Variants in NAT8L observed in about 807,000 individuals in gnomAD.
NAT8L encodes the protein aspartate N-acetyltransferase.
Under a neutral mutation model 21.2 loss-of-function variants are expected in NAT8L, and 6 were observed. The observed-to-expected ratio is 0.28, with a 90% CI of 0.16 to 0.56. NAT8L has a LOEUF of 0.56. Among genes scored for constraint, NAT8L ranks in the 20% least tolerant of loss-of-function variants. The probability of loss-of-function intolerance (pLI) is 0.93; values close to 1 mark genes in which losing one functional copy is unlikely to be tolerated. For synonymous variants in NAT8L, 239 were observed against 204.9 expected, an observed-to-expected ratio of 1.17 and a Z score of -1.42; for missense variants, 331 against 433.3, an observed-to-expected ratio of 0.76 and a Z score of 2.10.
In NAT8L at chr4:2,060,980, C is replaced by T. The variant is rs116048302; in HGVS notation, c.377-18C>T. On this transcript the variant is annotated intron_variant, in intron 1 of 2. Coordinates refer to ENST00000423729, the MANE Select transcript of NAT8L (RefSeq NM_178557.4). The surrounding 1 kb of genome is among the most constrained non-coding windows in gnomAD (Gnocchi z 4.7). Reference sequence around the variant, plus strand: ...GGGGACCCCCGCCGCGCCGCTGACCCGCGCCCTCTGCCCCCAGCGCTGTGC... The same window carrying T: ...GGGGACCCCCGCCGCGCCGCTGACCTGCGCCCTCTGCCCCCAGCGCTGTGC... 489 of 1,457,334 alleles carry T rather than the reference C, an allele frequency of 3.4e-4. 2 individuals are homozygous for T. In the African/African-American group the frequency reaches 6.2e-3, roughly 18 times the overall value. 90.3% of individuals were successfully genotyped at this position (1,457,334 alleles called of 1,614,324 possible).
chr4:2,059,651 G>A lies in NAT8L; in HGVS notation c.140G>A (p.Gly47Glu), dbSNP rs1244556608. The part of the protein sequence containing the change: ...AMWPPLPAAP[G>E]PAAAPPAPPP... ...TGGCCCCCGCTGCCCGCCGCGCCCG[G>A]GCCGGCCGCCGCGCCCCCCGCGCCC... Residue 47 changes from glycine (G) to glutamate (E), a missense_variant, in exon 1 of 3, where the codon GGG (glycine) becomes GAG (glutamate). By Grantham distance (98) the Gly-to-Glu change is moderately conservative. Around this residue, in one of 2 missense-constraint regions of NAT8L, gnomAD observed 199 missense variants for 196.1 expected, o/e 1.01. Coordinates refer to ENST00000423729, the MANE Select transcript of NAT8L (RefSeq NM_178557.4). The surrounding 1 kb of genome is among the most constrained non-coding windows in gnomAD (Gnocchi z 4.8). The A allele has an allele frequency of 2.3e-5, 22 of 970,618 alleles. No homozygotes were observed. The highest frequency in any genetic ancestry group is 2.7e-5 in the Non-Finnish European group (22 of 819,266). The allele number at this position is 970,618 out of a possible 1,614,324, so 60.1% of individuals were successfully genotyped here. A position where few individuals can be genotyped will look rare whatever the true frequency, so the allele number is the denominator to read the frequency against.
chr4:2,060,993 C>G lies in NAT8L; in HGVS notation c.377-5C>G, dbSNP rs980265259. ...GCGCCGCTGACCCGCGCCCTCTGCC[C>G]CCAGCGCTGTGCTTCGCCGTGAGCC... On this transcript the variant is annotated splice_region_variant and splice_polypyrimidine_tract_variant and intron_variant, in intron 1 of 2. Coordinates refer to ENST00000423729, the MANE Select transcript of NAT8L (RefSeq NM_178557.4). The surrounding 1 kb of genome is among the most constrained non-coding windows in gnomAD (Gnocchi z 4.7). 6.6e-7 allele frequency: 1 copy of G among 1,511,200 alleles called. No homozygotes were observed. Among genetic ancestry groups the G allele is most frequent in the Non-Finnish European group, 9.0e-7 (1 of 1,112,884 alleles). 93.6% of individuals were successfully genotyped at this position (1,511,200 alleles called of 1,614,324 possible).
In NAT8L at chr4:2,064,113, C is replaced by T; in HGVS notation, c.895C>T (p.Leu299=). The T allele has an allele frequency of 6.3e-7, 1 of 1,592,696 alleles. No homozygotes were observed. Among genetic ancestry groups the T allele is most frequent in the Middle Eastern group, 1.9e-4 (1 of 5,170 alleles). Residue 299 remains leucine (L), a synonymous_variant, in exon 3 of 3, where the codon CTG becomes TTG. Transcript: ENST00000423729. ...QVRYHRYRLQ[L]REE is the part of the protein sequence containing the mutation. ...CCGCTACCACCGCTACCGCCTGCAG[C>T]TGCGCGAGGAGTGACCGCCGCCGCT...
In NAT8L at chr4:2,060,009, TC is replaced by T. The variant is rs1729821660; in HGVS notation, c.376+123del. The T allele has an allele frequency of 4.1e-6, 2 of 487,090 alleles. No individual in the cohort carries two copies. Among genetic ancestry groups the T allele is most frequent in the South Asian group, 1.9e-4 (2 of 10,548 alleles). 30.2% of individuals were successfully genotyped at this position (487,090 alleles called of 1,614,324 possible). On this transcript the variant is annotated intron_variant, in intron 1 of 2. Coordinates refer to ENST00000423729, the MANE Select transcript of NAT8L (RefSeq NM_178557.4). This position sits in a 1 kb window ranked among gnomAD's most constrained non-coding sequence, Gnocchi z 4.7. ...GACCAGCCTGGGAAGCCCCCCGCTT[TC>T]TGCCGCGCCGGGCCCCGCGCAGGGC...
At position 2,064,136 on chromosome 4, in the gene NAT8L, G is replaced by T; in HGVS notation, c.*9G>T. On this transcript the variant is annotated 3_prime_UTR_variant, in exon 3 of 3. Transcript: ENST00000423729. ...AGCTGCGCGAGGAGTGACCGCCGCC[G>T]CTCGCCCGCCCGCCCCCCCGGCCGC... 1.3e-6 allele frequency: 2 copies of T among 1,535,172 alleles called. No individual in the cohort carries two copies. Among genetic ancestry groups the T allele is most frequent in the East Asian group, 2.5e-5 (1 of 40,638 alleles).
At position 2,059,942 on chromosome 4, in the gene NAT8L, C is replaced by T; in HGVS notation, c.376+55C>T. ...GTCCCTCGGGCCGGCGCGGAGCTCC[C>T]CCGCCCCGGCGTCCACGCGGACCCC... On this transcript the variant is annotated intron_variant, in intron 1 of 2. Transcript: ENST00000423729. The surrounding 1 kb of genome is among the most constrained non-coding windows in gnomAD (Gnocchi z 4.8). 1 of 1,038,738 alleles carries T rather than the reference C, an allele frequency of 9.6e-7. No homozygotes were observed. Among genetic ancestry groups the T allele is most frequent in the Non-Finnish European group, 1.2e-6 (1 of 838,336 alleles). The allele number at this position is 1,038,738 out of a possible 1,614,324, so 64.3% of individuals were successfully genotyped here.
chr4:2,061,787 C>T (rs974411916), intron 2 of NAT8L, among the ~76,000 whole-genome samples: 3 of 152,172 alleles, frequency 2.0e-5, no homozygotes, highest in Non-Finnish European at 2.9e-5. Flanking sequence ...CCGGATGCCG[C>T]AGGGGTGAAG....
rs1438214010 is a variant in NAT8L at position 2,063,092 on chromosome 4, C to T, written c.542-668C>T. ...GCTGTGGATGGGGTGATGGCCTGGC[C>T]ACTTGGCCTACTGCCAGGAGAGGCC... On this transcript the variant is annotated intron_variant, in intron 2 of 2. Transcript: ENST00000423729. Among the ~76,000 whole-genome samples the T allele has an allele frequency of 3.9e-5, 6 of 152,270 alleles. No homozygotes were observed. In the South Asian group the frequency reaches 1.0e-3, roughly 26 times the overall value.
chr4:2,063,767 C>T lies in NAT8L; in HGVS notation c.549C>T (p.Cys183=). 2 of 1,611,514 alleles carry T rather than the reference C, an allele frequency of 1.2e-6. No homozygotes were observed. Among genetic ancestry groups the T allele is most frequent in the Non-Finnish European group, 1.7e-6 (2 of 1,179,884 alleles). Residue 183 remains cysteine (C), a synonymous_variant, in exon 3 of 3, where the codon TGC becomes TGT. Coordinates refer to ENST00000423729, the MANE Select transcript of NAT8L (RefSeq NM_178557.4). ...CCGCCCTATCCCCTGCAGGCTCCTG[C>T]TTCTGGGTGGCCGTGCTGGATGGCA... The part of the protein sequence containing the change: ...EQYYMKPPGS[C]FWVAVLDGNV...
In NAT8L at chr4:2,059,955, C is replaced by T. The variant is rs566060371; in HGVS notation, c.376+68C>T. 1.5e-4 allele frequency: 143 copies of T among 937,376 alleles called. 1 individual carries two copies. The South Asian group carries it at 6.6e-3, about 43-fold the overall frequency. 58.1% of individuals were successfully genotyped at this position (937,376 alleles called of 1,614,324 possible). On this transcript the variant is annotated intron_variant, in intron 1 of 2. Coordinates refer to ENST00000423729, the MANE Select transcript of NAT8L (RefSeq NM_178557.4). The surrounding 1 kb of genome is among the most constrained non-coding windows in gnomAD (Gnocchi z 4.8). ...GCGCGGAGCTCCCCCGCCCCGGCGT[C>T]CACGCGGACCCCGCGCCCGGCTCCC...
Position 2,068,450 on chromosome 4 carries a change from AG to A in NAT8L, c.*4328del, listed in dbSNP as rs1012851781. 3 of 152,272 alleles carry A rather than the reference AG, an allele frequency of 2.0e-5. No homozygotes were observed. Among genetic ancestry groups the A allele is most frequent in the African/African-American group, 4.8e-5 (2 of 41,520 alleles). 9.4% of individuals were successfully genotyped at this position (152,272 alleles called of 1,614,324 possible). A position where few individuals can be genotyped will look rare whatever the true frequency, so the allele number is the denominator to read the frequency against. ...GCGCATGTTCTTGTGTACTTCTCTG[AG>A]GGGGCACATATGTATGAGTGTATGA... On this transcript the variant is annotated 3_prime_UTR_variant, in exon 3 of 3. Transcript: ENST00000423729.
rs1730030580 is a variant in NAT8L at position 2,067,598 on chromosome 4, C to G, written c.*3471C>G. On this transcript the variant is annotated 3_prime_UTR_variant, in exon 3 of 3. Coordinates refer to ENST00000423729, the MANE Select transcript of NAT8L (RefSeq NM_178557.4). Reference sequence around the variant, plus strand: ...CTGCCCTGGGGCACCCAGGGCTGTGCTGGTGGCCTGAGGCTGGGAACTTGG... The same window carrying G: ...CTGCCCTGGGGCACCCAGGGCTGTGGTGGTGGCCTGAGGCTGGGAACTTGG... 6.6e-6 allele frequency: 1 copy of G among 152,388 alleles called. No individual in the cohort carries two copies. The highest frequency in any genetic ancestry group is 1.5e-5 in the Non-Finnish European group (1 of 68,166). The allele number at this position is 152,388 out of a possible 1,614,324, so 9.4% of individuals were successfully genotyped here. A position where few individuals can be genotyped will look rare whatever the true frequency, so the allele number is the denominator to read the frequency against.
Position 2,060,920 on chromosome 4 carries a change from T to C in NAT8L, c.377-78T>C. ...GGAGCGCGGCCGGGCGCGGCGTCCC[T>C]AGCGGGCTTCGCCGGGGTGGCGTCT... On this transcript the variant is annotated intron_variant, in intron 1 of 2. Coordinates refer to ENST00000423729, the MANE Select transcript of NAT8L (RefSeq NM_178557.4). This position sits in a 1 kb window ranked among gnomAD's most constrained non-coding sequence, Gnocchi z 4.7. 1.3e-6 allele frequency: 1 copy of C among 741,870 alleles called. No individual in the cohort carries two copies. Among genetic ancestry groups the C allele is most frequent in the Non-Finnish European group, 2.1e-6 (1 of 485,502 alleles). 46.0% of individuals were successfully genotyped at this position (741,870 alleles called of 1,614,324 possible). A position where few individuals can be genotyped will look rare whatever the true frequency, so the allele number is the denominator to read the frequency against.
chr4:2,068,469 GTGTA>G lies in NAT8L; in HGVS notation c.*4345_*4348del, dbSNP rs1268324078. 2 of 152,382 alleles carry G rather than the reference GTGTA, an allele frequency of 1.3e-5. No homozygotes were observed. The highest frequency in any genetic ancestry group is 6.5e-5 in the Admixed American group (1 of 15,294). 9.4% of individuals were successfully genotyped at this position (152,382 alleles called of 1,614,324 possible). On this transcript the variant is annotated 3_prime_UTR_variant, in exon 3 of 3. Transcript: ENST00000423729. ...TCTCTGAGGGGGCACATATGTATGA[GTGTA>G]TGAGTGCATACATATGCATATGGTG...
chr4:2,059,447 C>G lies in NAT8L; in HGVS notation c.-65C>G. On this transcript the variant is annotated 5_prime_UTR_variant, in exon 1 of 3. Transcript: ENST00000423729. The surrounding 1 kb of genome is among the most constrained non-coding windows in gnomAD (Gnocchi z 4.8). ...GGTCCGAGGGCGCCGCGCCCTTGCC[C>G]TGGGCCCGGCCGTGCCCGCCGCCGC... 1.2e-6 allele frequency: 1 copy of G among 811,042 alleles called. No individual in the cohort carries two copies. The highest frequency in any genetic ancestry group is 1.5e-6 in the Non-Finnish European group (1 of 674,426). 50.2% of individuals were successfully genotyped at this position (811,042 alleles called of 1,614,324 possible).
Position 2,066,582 on chromosome 4 carries a change from TC to T in NAT8L, c.*2457del, listed in dbSNP as rs1236196853. 2 of 152,224 alleles carry T rather than the reference TC, an allele frequency of 1.3e-5. No individual in the cohort carries two copies. 9.4% of individuals were successfully genotyped at this position (152,224 alleles called of 1,614,324 possible). ...GGCCTGACCTGGCCCACCTCATCCCTCCAGCCTGGGATCTCACTGCTCTGCA... is the reference window on the plus strand; with the variant it reads ...GGCCTGACCTGGCCCACCTCATCCCTCAGCCTGGGATCTCACTGCTCTGCA... On this transcript the variant is annotated 3_prime_UTR_variant, in exon 3 of 3. Coordinates refer to ENST00000423729, the MANE Select transcript of NAT8L (RefSeq NM_178557.4).
In NAT8L at chr4:2,065,119, G is replaced by A. The variant is rs529166702; in HGVS notation, c.*992G>A. On this transcript the variant is annotated 3_prime_UTR_variant, in exon 3 of 3. Transcript: ENST00000423729. ...ATGACTTTAATTCTTGGGACAAAACGGTAGTTTGTACCCTAAGACACAGTT... is the reference window on the plus strand; with the variant it reads ...ATGACTTTAATTCTTGGGACAAAACAGTAGTTTGTACCCTAAGACACAGTT... 2 of 152,610 alleles carry A rather than the reference G, an allele frequency of 1.3e-5. No homozygotes were observed. The highest frequency in any genetic ancestry group is 2.1e-4 in the South Asian group (1 of 4,828). 9.5% of individuals were successfully genotyped at this position (152,610 alleles called of 1,614,324 possible).
chr4:2,059,976 C>T lies in NAT8L; in HGVS notation c.376+89C>T. Reference sequence around the variant, plus strand: ...GCGTCCACGCGGACCCCGCGCCCGGCTCCCGGGGACCAGCCTGGGAAGCCC... The same window carrying T: ...GCGTCCACGCGGACCCCGCGCCCGGTTCCCGGGGACCAGCCTGGGAAGCCC... On this transcript the variant is annotated intron_variant, in intron 1 of 2. Transcript: ENST00000423729. This position sits in a 1 kb window ranked among gnomAD's most constrained non-coding sequence, Gnocchi z 4.8. 2.6e-6 allele frequency: 2 copies of T among 764,728 alleles called. No homozygotes were observed. Among genetic ancestry groups the T allele is most frequent in the Non-Finnish European group, 3.4e-6 (2 of 593,838 alleles). 47.4% of individuals were successfully genotyped at this position (764,728 alleles called of 1,614,324 possible).
intron 2 of NAT8L, 98 bp downstream of exon 2, chr4:2,061,260 G>C: frequency 1.3e-6 from 2 of 1,553,442 alleles, no homozygotes; most frequent in Non-Finnish European, 1.7e-6. Context: ...GAGGGCCGGC[G>C]TGGGTGGGCC....
Sources: gnomAD v4.1 joint callset for allele counts (sites outside exome capture counted in the v4.1 genomes callset) on GRCh38, gnomAD v4.1.1 for gene constraint, gnomAD v4.1.1 regional missense constraint, Gnocchi (gnomAD v3.1) non-coding constraint, MANE v1.5 for transcripts, NCBI Gene and HGNC (gene_info 2026-07-23, HGNC 2026-07-21) for gene names.